The following CBFB variants were observed in gnomAD, a reference collection of about 807,000 sequenced individuals.
The protein encoded by CBFB is CBF-beta.
Under a neutral mutation model 30.4 loss-of-function variants are expected in CBFB, and 9 were observed. The observed-to-expected ratio is 0.30, with a 90% CI of 0.18 to 0.52. CBFB has a LOEUF of 0.52. Among genes scored for constraint, CBFB ranks in the 20% least tolerant of loss-of-function variants. The pLI, the probability that CBFB is intolerant of heterozygous loss-of-function variation, is 0.97. For missense variants in CBFB, 170 were observed against 244.0 expected (o/e 0.70, Z 2.02); for synonymous variants, 94 against 84.0 (o/e 1.12, Z -0.65).
intron 3 of CBFB, among the ~76,000 whole-genome samples, chr16:67,046,644 A>G (rs1025705825): frequency 7.2e-5 from 11 of 152,202 alleles, no homozygotes; most frequent in African/African-American, 2.4e-4. Context: ...CATTGCTTCA[A>G]AAAGTTCCCT....
intron 3 of CBFB, among the ~76,000 whole-genome samples, chr16:67,051,394 G>A (rs1385220697): frequency 6.6e-6 from 1 of 151,346 alleles, no homozygotes; most frequent in Non-Finnish European, 1.5e-5. Flanking sequence ...GTATTTATAT[G>A]GATCCAAAAT....
intron 3 of CBFB, among the ~76,000 whole-genome samples, chr16:67,051,526 A>T (rs1421321592): frequency 1.3e-5 from 2 of 151,880 alleles, no homozygotes; most frequent in Non-Finnish European, 2.9e-5. Context: ...CCAGTTTTAT[A>T]CTCATTATTT....
rs943910634 is a variant in CBFB at position 67,089,558 on chromosome 16, A to G, written c.495+7250A>G. Among the ~76,000 whole-genome samples, 3 of 152,214 alleles carry G rather than the reference A, an allele frequency of 2.0e-5. 1 individual carries two copies. The highest frequency in any genetic ancestry group is 2.9e-5 in the Non-Finnish European group (2 of 68,036). ...TTCTCTGGCATATAGGCTGTTTTTT[A>G]TGTGAAACCCTTCCTCCATTTGAAA... On this transcript the variant is annotated intron_variant, in intron 5 of 5. Coordinates refer to ENST00000412916, the MANE Select transcript of CBFB (RefSeq NM_022845.3).
At chr16:67,033,698 G>A (rs1376522306) in intron 2 of CBFB, among the ~76,000 whole-genome samples, 2 of 145,008 alleles carry the variant, frequency 1.4e-5, no homozygotes, top group South Asian at 2.2e-4. Context: ...TGCAAGCTCC[G>A]CCTCCTGGGT....
rs115157079 is a variant in CBFB at position 67,091,117 on chromosome 16, G to C, written c.496-7593G>C. ...TGAACTGGGAGTATGAACTCAGACT[G>C]AGAATGAGAATCGGAAGAAGATTAA... On this transcript the variant is annotated intron_variant, in intron 5 of 5. Coordinates refer to ENST00000412916, the MANE Select transcript of CBFB (RefSeq NM_022845.3). 1.1e-3 allele frequency among the ~76,000 whole-genome samples: 162 copies of C among 152,308 alleles called. 1 individual carries two copies. The highest frequency in any genetic ancestry group is 3.8e-3 in the African/African-American group (156 of 41,566).
In CBFB at chr16:67,099,445, G is replaced by T; in HGVS notation, c.*667G>T. 4.8e-6 allele frequency: 1 copy of T among 206,370 alleles called. No homozygotes were observed. Among genetic ancestry groups the T allele is most frequent in the Non-Finnish European group, 9.9e-6 (1 of 101,466 alleles). 12.8% of individuals were successfully genotyped at this position (206,370 alleles called of 1,614,324 possible). ...TTTTTTTTTTTTTTAATAGAGACAG[G>T]GTCTCGCAGTGTTGCCCAGGCTGGT... is the stretch of plus-strand genomic sequence containing the variant. On this transcript the variant is annotated 3_prime_UTR_variant, in exon 6 of 6. Transcript: ENST00000412916.
intron 3 of CBFB, among the ~76,000 whole-genome samples, chr16:67,050,213 ATT>A (rs1033109036): frequency 6.8e-5 from 10 of 147,892 alleles, no homozygotes; most frequent in South Asian, 2.1e-4. Flanking sequence ...TATATATATA[ATT>A]TATATATCAC....
chr16:67,043,818 A>AT lies in CBFB; in HGVS notation c.282+7065dup, dbSNP rs200000280. ...TGTAGGGTGAGATTATAGCTAACTG[A>AT]TTGATAGAGTGTTTGTGCTACAGTG... On this transcript the variant is annotated intron_variant, in intron 3 of 5. Coordinates refer to ENST00000412916, the MANE Select transcript of CBFB (RefSeq NM_022845.3). Among the ~76,000 whole-genome samples, 1,332 of 152,296 alleles carry AT rather than the reference A, an allele frequency of 8.7e-3. 16 individuals are homozygous for AT. The highest frequency in any genetic ancestry group is 0.013 in the Non-Finnish European group (889 of 68,034).
At position 67,066,809 on chromosome 16, in the gene CBFB, A is replaced by G. The variant is rs776544422; in HGVS notation, c.399+11A>G. 6.1e-6 allele frequency: 9 copies of G among 1,463,702 alleles called. No homozygotes were observed. Among genetic ancestry groups the G allele is most frequent in the Non-Finnish European group, 8.6e-6 (9 of 1,046,010 alleles). The allele number at this position is 1,463,702 out of a possible 1,614,324, so 90.7% of individuals were successfully genotyped here. On this transcript the variant is annotated intron_variant, in intron 4 of 5. Transcript: ENST00000412916. Reference sequence around the variant, plus strand: ...GAGGAGCGAGCCCAGGTAGGGTAACATCAGGCTTTATTGAGCATGGTCCCT... The same window carrying G: ...GAGGAGCGAGCCCAGGTAGGGTAACGTCAGGCTTTATTGAGCATGGTCCCT...
intron 3 of CBFB, among the ~76,000 whole-genome samples, chr16:67,044,045 CA>C (rs1455433767): frequency 6.6e-6 from 1 of 152,176 alleles, no homozygotes; most frequent in East Asian, 1.9e-4. Context: ...CAGGCAACTC[CA>C]GTTCCTTTGA....
intron 2 of CBFB, among the ~76,000 whole-genome samples, chr16:67,033,002 G>A (rs1406334833): frequency 6.6e-6 from 1 of 152,140 alleles, no homozygotes; most frequent in Non-Finnish European, 1.5e-5. Context: ...AGCCTCCTGA[G>A]TAGCTGGAAT....
At chr16:67,031,667 C>A (rs1027140492) in intron 2 of CBFB, among the ~76,000 whole-genome samples, 1 of 151,946 alleles carries the variant, frequency 6.6e-6, no homozygotes, top group African/African-American at 2.4e-5. Flanking sequence ...CACACCACCA[C>A]GCCCGGCTAA....
intron 1 of CBFB, 56 bp from the exon 2 acceptor site, chr16:67,029,671 G>A: frequency 1.4e-6 from 2 of 1,471,632 alleles, no homozygotes; most frequent in Admixed American, 1.8e-5. Flanking sequence ...GGGAGGGCGG[G>A]CGCGCGGGCG....
Position 67,029,203 on chromosome 16 carries a change from CGGCGGCGGCGTGGGTTGGGCTCGAGCG to C in CBFB, c.-194_-168del, listed in dbSNP as rs1460897591. The C allele has an allele frequency of 3.9e-5, 9 of 228,816 alleles. No homozygotes were observed. The highest frequency in any genetic ancestry group is 5.6e-5 in the Non-Finnish European group (7 of 125,316). 14.2% of individuals were successfully genotyped at this position (228,816 alleles called of 1,614,324 possible). The stretch of plus-strand genomic sequence containing the variant: ...GCAACGGCTGAGGCGGCGGCGGCGG[CGGCGGCGGCGTGGGTTGGGCTCGAGCG>C]GGCGGCGGCGCCTCAGACTCCCCGG... On this transcript the variant is annotated 5_prime_UTR_variant, in exon 1 of 6. Transcript: ENST00000412916.
At chr16:67,051,935 A>C (rs1170228856) in intron 3 of CBFB, among the ~76,000 whole-genome samples, 1 of 151,600 alleles carries the variant, frequency 6.6e-6, no homozygotes, top group East Asian at 1.9e-4. Context: ...ACACACACAC[A>C]CACACACACG....
intron 5 of CBFB, among the ~76,000 whole-genome samples, chr16:67,092,705 T>C (rs1268519488): frequency 1.8e-5 from 2 of 110,740 alleles, no homozygotes; most frequent in African/African-American, 9.3e-5. Context: ...AATCTTTTTT[T>C]TTTTTTTTTT....
At position 67,098,933 on chromosome 16, in the gene CBFB, G is replaced by A; in HGVS notation, c.*155G>A. 1 of 532,758 alleles carries A rather than the reference G, an allele frequency of 1.9e-6. No individual in the cohort carries two copies. Among genetic ancestry groups the A allele is most frequent in the East Asian group, 3.1e-5 (1 of 32,614 alleles). The allele number at this position is 532,758 out of a possible 1,614,324, so 33.0% of individuals were successfully genotyped here. ...AGTAATAGACATCACAAACTGCCATGGTTTTGCACTATGATTATAATACCT... is the reference window on the plus strand; with the variant it reads ...AGTAATAGACATCACAAACTGCCATAGTTTTGCACTATGATTATAATACCT... On this transcript the variant is annotated 3_prime_UTR_variant, in exon 6 of 6. Coordinates refer to ENST00000412916, the MANE Select transcript of CBFB (RefSeq NM_022845.3).
intron 3 of CBFB, among the ~76,000 whole-genome samples, chr16:67,058,668 C>A (rs955491509): frequency 1.3e-5 from 2 of 151,970 alleles, no homozygotes; most frequent in African/African-American, 4.8e-5. Flanking sequence ...AGGAAACTTA[C>A]AAGAAAAAAA....
At chr16:67,035,786 G>C (rs973853184) in intron 2 of CBFB, among the ~76,000 whole-genome samples, 3 of 152,132 alleles carry the variant, frequency 2.0e-5, no homozygotes, top group Non-Finnish European at 4.4e-5. Context: ...ACATTTAGAT[G>C]ATGAAAAATG....
Sources: gnomAD v4.1 joint callset for allele counts (sites outside exome capture counted in the v4.1 genomes callset) on GRCh38, gnomAD v4.1.1 for gene constraint, MANE v1.5 for transcripts, NCBI Gene and HGNC (gene_info 2026-07-23, HGNC 2026-07-21) for gene names.